The following CALN1 variants were observed in gnomAD, a reference collection of about 807,000 sequenced individuals.
The protein encoded by CALN1 is calcium-binding protein 8.
Under a neutral mutation model 30.6 loss-of-function variants are expected in CALN1, and 17 were observed. The observed-to-expected ratio is 0.56, with a 90% confidence interval of 0.38 to 0.83. The LOEUF (loss-of-function observed/expected upper bound fraction) is 0.83, where lower values mean the gene tolerates loss of function less well. CALN1 is among the 40% of genes least tolerant of loss of function. CALN1 has a pLI of 0.00. For synonymous variants in CALN1, 156 were observed against 131.4 expected (o/e 1.19, Z -1.28); for missense variants, 291 against 354.9 (o/e 0.82, Z 1.45).
At chr7:72,388,641 T>G (rs895301790) in intron 2 of CALN1, among the ~76,000 whole-genome samples, 9 of 152,194 alleles carry the variant, frequency 5.9e-5, no homozygotes, top group African/African-American at 2.2e-4. Flanking sequence ...TCTTAAAAAA[T>G]TTATTCTCAT....
chr7:72,215,889 A>G (rs2129548546), intron 3 of CALN1, among the ~76,000 whole-genome samples: 1 of 152,224 alleles, frequency 6.6e-6, no homozygotes, highest in East Asian at 1.9e-4. Flanking sequence ...CTTCTACCCA[A>G]CACAGGATTC....
At chr7:72,223,028 C>A (rs1231478012) in intron 3 of CALN1, among the ~76,000 whole-genome samples, 1 of 151,968 alleles carries the variant, frequency 6.6e-6, no homozygotes. Context: ...CTCTAAAAAT[C>A]AATGAAAAAA....
chr7:72,418,109 C>A (rs965542068), intron 1 of CALN1, among the ~76,000 whole-genome samples: 1 of 151,748 alleles, frequency 6.6e-6, no homozygotes, highest in Non-Finnish European at 1.5e-5. Flanking sequence ...CAACCTTTGC[C>A]CCCCTCCCCC....
At chr7:72,500,103 G>T in the CALN1 span, among the ~76,000 whole-genome samples, 283 of 148,486 alleles carry the variant, frequency 1.9e-3, 3 homozygotes, top group Non-Finnish European at 4.9e-4. Flanking sequence ...GTAGAGAGAG[G>T]GTTTCACCAT....
At chr7:71,800,760 C>T (rs1182207060) in intron 6 of CALN1, among the ~76,000 whole-genome samples, 1 of 150,070 alleles carries the variant, frequency 6.7e-6, no homozygotes, top group African/African-American at 2.5e-5. Context: ...TGGGCATTGA[C>T]AGGTAGACCC....
At chr7:71,991,821 T>TA (rs1349515098) in intron 5 of CALN1, among the ~76,000 whole-genome samples, 2 of 152,202 alleles carry the variant, frequency 1.3e-5, no homozygotes, top group African/African-American at 4.8e-5. Flanking sequence ...CTTCCTTTCT[T>TA]AAAAAACAAA....
the CALN1 span, among the ~76,000 whole-genome samples, chr7:72,486,662 C>A: frequency 6.6e-6 from 1 of 152,014 alleles, no homozygotes. Flanking sequence ...AGTGAGCCAC[C>A]GAGCCCAGCC....
chr7:72,179,128 G>T (rs564166105), intron 3 of CALN1, among the ~76,000 whole-genome samples: 1 of 152,282 alleles, frequency 6.6e-6, no homozygotes, highest in African/African-American at 2.4e-5. Flanking sequence ...GTGAAAAGTT[G>T]ATCTAAATTA....
intron 2 of CALN1, among the ~76,000 whole-genome samples, chr7:72,382,381 G>A (rs918638277): frequency 2.0e-5 from 3 of 152,226 alleles, no homozygotes; most frequent in African/African-American, 7.2e-5. Flanking sequence ...CCTCTGCAGA[G>A]TCTGGGAGGC....
intron 6 of CALN1, among the ~76,000 whole-genome samples, chr7:71,790,625 G>A (rs779110506): frequency 6.0e-4 from 92 of 152,304 alleles, no homozygotes; most frequent in Non-Finnish European, 1.0e-3. Context: ...CCTTGAGGTC[G>A]GCAGGAAGCC....
At chr7:71,976,819 C>A (rs1285848568) in intron 5 of CALN1, among the ~76,000 whole-genome samples, 1 of 152,182 alleles carries the variant, frequency 6.6e-6, no homozygotes, top group East Asian at 1.9e-4. Context: ...GGAGTTTGCA[C>A]AGAAGGAGCC....
At chr7:72,199,721 C>A (rs1035619453) in intron 3 of CALN1, among the ~76,000 whole-genome samples, 6 of 152,128 alleles carry the variant, frequency 3.9e-5, no homozygotes, top group Admixed American at 3.9e-4. Flanking sequence ...GTGGTGCAAA[C>A]CTGTAGTCCT....
intron 5 of CALN1, among the ~76,000 whole-genome samples, chr7:71,819,137 GCAC>G (rs979032468): frequency 6.6e-6 from 1 of 151,792 alleles, no homozygotes; most frequent in East Asian, 1.9e-4. Context: ...CTACAGACAT[GCAC>G]CACCACTTGT....
intron 2 of CALN1, among the ~76,000 whole-genome samples, chr7:72,356,111 TTC>T (rs1418490716): frequency 5.3e-5 from 8 of 152,338 alleles, no homozygotes; most frequent in Non-Finnish European, 8.8e-5. Flanking sequence ...TGCACAATTA[TTC>T]TGTGTTCATT....
At chr7:72,479,528 T>C in the CALN1 span, among the ~76,000 whole-genome samples, 1 of 151,594 alleles carries the variant, frequency 6.6e-6, no homozygotes, top group South Asian at 2.1e-4. Flanking sequence ...GTTTTACATA[T>C]GGATATTCAG....
chr7:72,361,639 C>T (rs1012333462), intron 2 of CALN1, among the ~76,000 whole-genome samples: 11 of 152,176 alleles, frequency 7.2e-5, no homozygotes, highest in East Asian at 3.8e-4. Flanking sequence ...TTCACTTGAT[C>T]GCATCACTTA....
chr7:72,171,174 A>G (rs1024113662), intron 3 of CALN1, among the ~76,000 whole-genome samples: 1 of 152,190 alleles, frequency 6.6e-6, no homozygotes, highest in Admixed American at 6.5e-5. Flanking sequence ...AAACAAAAAA[A>G]AGATTTCACA....
intron 5 of CALN1, among the ~76,000 whole-genome samples, chr7:71,888,412 T>A (rs768761665): frequency 3.4e-5 from 5 of 148,292 alleles, no homozygotes; most frequent in Non-Finnish European, 7.4e-5. Flanking sequence ...TTGTGGATTG[T>A]ATCTCCATGA....
the CALN1 span, among the ~76,000 whole-genome samples, chr7:72,455,308 A>T: frequency 2.9e-5 from 4 of 139,544 alleles, no homozygotes; most frequent in Admixed American, 2.2e-4. Flanking sequence ...TTCTAGAAAC[A>T]ATATATATAT....
Sources: allele counts gnomAD v4.1 joint callset (sites outside exome capture counted in the v4.1 genomes callset), GRCh38; gene constraint gnomAD v4.1.1; transcripts MANE v1.5; gene names NCBI Gene and HGNC (gene_info 2026-07-23, HGNC 2026-07-21).